Variants in MYT1L observed in about 807,000 individuals in gnomAD.
The protein encoded by MYT1L is myelin transcription factor 1-like protein.
A neutral mutation model predicts 126.7 loss-of-function variants in MYT1L; 12 were observed. The observed-to-expected ratio is 0.09, with a 90% CI of 0.06 to 0.15. The LOEUF is 0.15. Ranked by LOEUF, MYT1L falls within the 10% of genes least tolerant of loss-of-function variation. The pLI is 1.00. For missense variants in MYT1L, 979 were observed against 1,585.2 expected (o/e 0.62, Z 6.49); for synonymous variants, 541 against 604.2 (o/e 0.90, Z 1.53).
intron 16 of MYT1L, among the ~76,000 whole-genome samples, chr2:1,888,260 T>G (rs1054127843): frequency 1.2e-4 from 18 of 152,202 alleles, no homozygotes; most frequent in Admixed American, 1.2e-3. Flanking sequence ...GGGCTTACTT[T>G]CAATTAAAAT....
At chr2:2,311,019 C>T (rs2095959779) in intron 1 of MYT1L, among the ~76,000 whole-genome samples, 2 of 152,152 alleles carry the variant, frequency 1.3e-5, no homozygotes, top group Admixed American at 6.5e-5. Context: ...TGCCTTTCCC[C>T]AATTGGGTCA....
intron 3 of MYT1L, among the ~76,000 whole-genome samples, chr2:2,172,025 T>C (rs1013879728): frequency 6.6e-6 from 1 of 152,184 alleles, no homozygotes; most frequent in Non-Finnish European, 1.5e-5. Flanking sequence ...CAGAGTAACA[T>C]ATATAAAAGT....
chr2:2,047,233 C>T (rs893982134), intron 4 of MYT1L, among the ~76,000 whole-genome samples: 7 of 152,174 alleles, frequency 4.6e-5, no homozygotes, highest in African/African-American at 1.7e-4. Flanking sequence ...AGTTTAATGT[C>T]TTACATGGAC....
chr2:2,110,595 CCTCT>C (rs1044599243), intron 3 of MYT1L, among the ~76,000 whole-genome samples: 21 of 149,512 alleles, frequency 1.4e-4, no homozygotes, highest in African/African-American at 2.2e-4. Context: ...TTCCTCCCTC[CCTCT>C]ATTTCCTCCT....
In MYT1L at chr2:2,038,540, T is replaced by C. The variant is rs1283059494; in HGVS notation, c.-158+15438A>G. On this transcript the variant is annotated intron_variant, in intron 4 of 24. Coordinates refer to ENST00000647738, the MANE Select transcript of MYT1L (RefSeq NM_001303052.2). Reference sequence around the variant, plus strand: ...TTCGGCTCATCTTGTCTGGACGCCATGTTTATTTGTCAATATTTCTGTAGC... The same window carrying C: ...TTCGGCTCATCTTGTCTGGACGCCACGTTTATTTGTCAATATTTCTGTAGC... Among the ~76,000 whole-genome samples, 6 of 152,144 alleles carry C rather than the reference T, an allele frequency of 3.9e-5. No individual in the cohort carries two copies. In the East Asian group the frequency reaches 9.6e-4, roughly 24 times the overall value.
chr2:2,126,545 T>C (rs1360915340), intron 3 of MYT1L, among the ~76,000 whole-genome samples: 2 of 152,148 alleles, frequency 1.3e-5, no homozygotes, highest in Non-Finnish European at 2.9e-5. Context: ...TTGGCGAGCC[T>C]GAGGCAGTCA....
Position 2,101,721 on chromosome 2 carries a change from C to A in MYT1L, c.-303-47598G>T, listed in dbSNP as rs187935541. ...CCATCCATTAATCCATCCAGCCATC[C>A]ATCCATCCACTCACCCATCCATCCA... is the stretch of plus-strand genomic sequence containing the variant. On this transcript the variant is annotated intron_variant, in intron 3 of 24. Transcript: ENST00000647738. Among the ~76,000 whole-genome samples, 28 of 152,242 alleles carry A rather than the reference C, an allele frequency of 1.8e-4. No individual in the cohort carries two copies. In the East Asian group the frequency reaches 3.3e-3, roughly 18 times the overall value.
chr2:2,267,629 CCGCTTGGTGGGCTGAAGTGGGAA>C (rs1311895267), intron 2 of MYT1L, among the ~76,000 whole-genome samples: 1 of 152,158 alleles, frequency 6.6e-6, no homozygotes, highest in Admixed American at 6.5e-5. Flanking sequence ...CTGCAGTTCA[CCGCTTGGTGGGCTGAAGTGGGAA>C]GGTGCAACCA....
At chr2:2,185,508 C>T (rs1238099159) in intron 2 of MYT1L, among the ~76,000 whole-genome samples, 1 of 124,618 alleles carries the variant, frequency 8.0e-6, no homozygotes, top group Non-Finnish European at 1.7e-5. Flanking sequence ...TCCGGGCCTT[C>T]CCGAGTCCCG....
intron 5 of MYT1L, among the ~76,000 whole-genome samples, chr2:1,987,367 G>A (rs2061118211): frequency 6.9e-6 from 1 of 145,892 alleles, no homozygotes; most frequent in African/African-American, 2.7e-5. Flanking sequence ...AAAATATGAT[G>A]ATCTGAAAGC....
chr2:2,273,212 C>T (rs1208920247), intron 2 of MYT1L, among the ~76,000 whole-genome samples: 7 of 152,162 alleles, frequency 4.6e-5, no homozygotes, highest in Admixed American at 4.6e-4. Context: ...TATCGCAGGA[C>T]CTTTCGGCCC....
intron 1 of MYT1L, among the ~76,000 whole-genome samples, chr2:2,317,545 T>G (rs941637540): frequency 1.3e-5 from 2 of 152,114 alleles, no homozygotes; most frequent in Admixed American, 6.5e-5. Context: ...CATAGGGACT[T>G]TATGTCATTG....
chr2:1,934,198 T>G (rs1359085476), intron 9 of MYT1L, among the ~76,000 whole-genome samples: 1 of 151,036 alleles, frequency 6.6e-6, no homozygotes. Flanking sequence ...ATGGTCTCGA[T>G]CTCCTGACCT....
chr2:2,156,112 G>A (rs6721258), intron 3 of MYT1L, among the ~76,000 whole-genome samples: 4,785 of 152,284 alleles, frequency 0.031, 265 homozygotes, highest in African/African-American at 0.11. Flanking sequence ...CTTCCTTAGT[G>A]TAAAGTGAGC....
At chr2:2,180,576 G>C (rs1255227402) in intron 2 of MYT1L, among the ~76,000 whole-genome samples, 1 of 151,612 alleles carries the variant, frequency 6.6e-6, no homozygotes, top group Non-Finnish European at 1.5e-5. Context: ...GTGTGTACCT[G>C]TGTGTGCGCC....
chr2:1,835,165 A>G (rs1209103271), intron 21 of MYT1L, among the ~76,000 whole-genome samples: 1 of 152,238 alleles, frequency 6.6e-6, no homozygotes, highest in Non-Finnish European at 1.5e-5. Flanking sequence ...CAGCATCCCC[A>G]TAAAGCCATC....
At chr2:1,947,895 A>T (rs1477175015) in intron 8 of MYT1L, among the ~76,000 whole-genome samples, 4 of 152,200 alleles carry the variant, frequency 2.6e-5, no homozygotes, top group Non-Finnish European at 4.4e-5. Context: ...TTTCACAAAC[A>T]GCCTGAGCGT....
chr2:2,110,754 A>G (rs2079334237), intron 3 of MYT1L, among the ~76,000 whole-genome samples: 1 of 152,008 alleles, frequency 6.6e-6, no homozygotes, highest in South Asian at 2.1e-4. Context: ...TGGCTCTGTC[A>G]TGGGGCCCCT....
intron 5 of MYT1L, among the ~76,000 whole-genome samples, chr2:1,982,035 G>A (rs963811727): frequency 3.9e-5 from 6 of 152,156 alleles, no homozygotes; most frequent in Non-Finnish European, 8.8e-5. Flanking sequence ...GCCACATCAC[G>A]TGGATTTGAC....
Sources: gnomAD v4.1 joint callset for allele counts (sites outside exome capture counted in the v4.1 genomes callset) on GRCh38, gnomAD v4.1.1 for gene constraint, MANE v1.5 for transcripts, NCBI Gene and HGNC (gene_info 2026-07-23, HGNC 2026-07-21) for gene names.